The following CEP112 variants were observed in gnomAD, a reference collection of about 807,000 sequenced individuals.
The protein encoded by CEP112 is centrosomal protein of 112 kDa.
Under a neutral mutation model 153.0 loss-of-function variants are expected in CEP112, and 127 were observed. The ratio of observed to expected loss-of-function variants is 0.83; its 90% CI spans 0.72 to 0.96. The LOEUF is 0.96. Among genes scored for constraint, CEP112 ranks in the 40% least tolerant of loss-of-function variants. CEP112 has a pLI of 0.00. For missense variants in CEP112, 1,089 were observed against 1,101.2 expected (o/e 0.99, Z 0.16); for synonymous variants, 358 against 374.4 (o/e 0.96, Z 0.51).
At chr17:65,858,946 A>G (rs1438097699) in intron 20 of CEP112, among the ~76,000 whole-genome samples, 1 of 152,196 alleles carries the variant, frequency 6.6e-6, no homozygotes, top group South Asian at 2.1e-4. Flanking sequence ...ATCCCCACCC[A>G]AAATAGTACC....
chr17:66,136,627 C>T (rs8078801), intron 4 of CEP112, among the ~76,000 whole-genome samples: 37,075 of 151,946 alleles, frequency 0.24, 4,716 homozygotes, highest in Middle Eastern at 0.36. Flanking sequence ...ACTGGTGGGA[C>T]GCAGCATAAA....
chr17:66,161,856 C>T (rs117012651), intron 4 of CEP112, among the ~76,000 whole-genome samples: 5,160 of 150,634 alleles, frequency 0.034, 129 homozygotes, highest in Middle Eastern at 0.061. Flanking sequence ...AAAAACTCTG[C>T]ACGAATTTAA....
chr17:65,770,185 A>G (rs1305747036), intron 21 of CEP112, among the ~76,000 whole-genome samples: 2 of 151,954 alleles, frequency 1.3e-5, no homozygotes, highest in Non-Finnish European at 2.9e-5. Context: ...AATACAGAGA[A>G]AACCATATCA....
intron 21 of CEP112, among the ~76,000 whole-genome samples, chr17:65,850,023 G>A (rs1292672840): frequency 4.0e-5 from 6 of 151,564 alleles, no homozygotes; most frequent in African/African-American, 4.8e-5. Context: ...ACGTGCTGGC[G>A]GGTGCCTATA....
intron 6 of CEP112, among the ~76,000 whole-genome samples, chr17:66,105,801 G>A (rs766431024): frequency 6.6e-5 from 10 of 152,022 alleles, no homozygotes; most frequent in Non-Finnish European, 1.3e-4. Context: ...TCAAAAAAAT[G>A]AGCCTAATAA....
At chr17:65,660,082 CT>C (rs1314198243) in intron 24 of CEP112, among the ~76,000 whole-genome samples, 1 of 152,020 alleles carries the variant, frequency 6.6e-6, no homozygotes, top group Admixed American at 6.6e-5. Context: ...GTGGTTAGGA[CT>C]TTGAAGCTTA....
chr17:65,970,492 C>CA lies in CEP112; in HGVS notation c.1737-8895_1737-8894insT, dbSNP rs767181242. Among the ~76,000 whole-genome samples the CA allele has an allele frequency of 3.1e-4, 41 of 130,804 alleles. 5 individuals are homozygous for CA. The highest frequency in any genetic ancestry group is 9.1e-4 in the African/African-American group (33 of 36,308). 85.8% of individuals were successfully genotyped at this position (130,804 alleles called of 152,430 possible). ...TGCATGTATATTACATGCATGCACA[C>CA]TACATGCATATTATATGCATGCATA... On this transcript the variant is annotated intron_variant, in intron 17 of 26. Transcript: ENST00000535342.
intron 17 of CEP112, among the ~76,000 whole-genome samples, chr17:65,969,631 A>G (rs12938891): frequency 0.48 from 73,108 of 152,202 alleles, 18,568 homozygotes; most frequent in East Asian, 0.89. Context: ...TGCACTGCAC[A>G]CATATTGCAA....
chr17:65,697,683 T>C (rs2048423176), intron 23 of CEP112, among the ~76,000 whole-genome samples: 1 of 152,242 alleles, frequency 6.6e-6, no homozygotes, highest in Non-Finnish European at 1.5e-5. Context: ...ACGGGCTATT[T>C]ACAGAGGCCA....
At chr17:66,128,479 T>C (rs1346789181) in intron 6 of CEP112, among the ~76,000 whole-genome samples, 1 of 152,142 alleles carries the variant, frequency 6.6e-6, no homozygotes, top group Non-Finnish European at 1.5e-5. Context: ...AGGAAGTTTT[T>C]AAGTTTTTTG....
intron 23 of CEP112, among the ~76,000 whole-genome samples, chr17:65,725,475 G>A (rs1001135641): frequency 1.1e-4 from 16 of 152,044 alleles, no homozygotes; most frequent in Admixed American, 9.2e-4. Context: ...GCACCACCGC[G>A]CCTGGCTAAT....
At chr17:65,837,165 C>T (rs936419367) in intron 21 of CEP112, among the ~76,000 whole-genome samples, 1 of 152,168 alleles carries the variant, frequency 6.6e-6, no homozygotes, top group Non-Finnish European at 1.5e-5. Flanking sequence ...ACCTCCACAT[C>T]CCAGCCGCCT....
At chr17:66,186,024 TTC>T (rs550194871) in intron 1 of CEP112, among the ~76,000 whole-genome samples, 52 of 145,604 alleles carry the variant, frequency 3.6e-4, no homozygotes, top group Non-Finnish European at 4.4e-4. Context: ...ATCTCTCTCA[TTC>T]TCTCTCTCTC....
chr17:65,940,915 T>C (rs969766666), intron 18 of CEP112, among the ~76,000 whole-genome samples: 4 of 152,216 alleles, frequency 2.6e-5, no homozygotes, highest in African/African-American at 7.2e-5. Context: ...AATGAGGTTA[T>C]GGCTATGTTA....
At chr17:65,848,729 T>C (rs1016239780) in intron 21 of CEP112, among the ~76,000 whole-genome samples, 2 of 152,236 alleles carry the variant, frequency 1.3e-5, no homozygotes, top group African/African-American at 2.4e-5. Context: ...AAACTCCACA[T>C]GTTCTTAACT....
intron 4 of CEP112, among the ~76,000 whole-genome samples, chr17:66,143,922 C>G (rs2070811672): frequency 6.6e-6 from 1 of 152,192 alleles, no homozygotes; most frequent in South Asian, 2.1e-4. Context: ...AATCTGCCTC[C>G]TATTTCTCTG....
chr17:65,762,675 T>C (rs1273092033), intron 21 of CEP112, among the ~76,000 whole-genome samples: 1 of 151,980 alleles, frequency 6.6e-6, no homozygotes, highest in Non-Finnish European at 1.5e-5. Flanking sequence ...CACTATATCA[T>C]CTCATGGATA....
chr17:65,866,064 G>A (rs1057090918), intron 20 of CEP112, among the ~76,000 whole-genome samples: 6 of 152,042 alleles, frequency 3.9e-5, no homozygotes, highest in Non-Finnish European at 8.8e-5. Context: ...GAGCCCTGCC[G>A]TCCTGGGTGC....
chr17:66,053,925 G>A (rs778232808), intron 11 of CEP112, 46 bp from the exon 12 acceptor site: 1 of 1,517,122 alleles, frequency 6.6e-7, no homozygotes, highest in African/African-American at 1.4e-5. Context: ...CTATGGAATT[G>A]ACTATTTTGT....
Sources: gnomAD v4.1 joint callset for allele counts (sites outside exome capture counted in the v4.1 genomes callset) on GRCh38, gnomAD v4.1.1 for gene constraint, MANE v1.5 for transcripts, NCBI Gene and HGNC (gene_info 2026-07-23, HGNC 2026-07-21) for gene names.